Variants in FGGY observed in about 807,000 individuals in gnomAD.
FGGY encodes FGGY carbohydrate kinase domain-containing protein.
Under a neutral mutation model 71.3 loss-of-function variants are expected in FGGY, and 72 were observed. That is an observed-to-expected ratio of 1.01 (90% confidence interval 0.84 to 1.23). The LOEUF is 1.23. FGGY is among the 50% of genes most tolerant of loss of function. The pLI is 0.00. For synonymous variants in FGGY, 251 were observed against 250.3 expected (o/e 1.00, Z -0.02); for missense variants, 668 against 682.3 (o/e 0.98, Z 0.23).
intron 4 of FGGY, among the ~76,000 whole-genome samples, chr1:59,375,055 T>G (rs1173067965): frequency 1.4e-5 from 2 of 146,366 alleles, no homozygotes; most frequent in African/African-American, 2.6e-5. Context: ...CCCTAAAACT[T>G]AAAGTATAAT....
intron 3 of FGGY, among the ~76,000 whole-genome samples, chr1:59,341,438 C>T (rs1450058825): frequency 3.9e-5 from 6 of 152,154 alleles, no homozygotes; most frequent in African/African-American, 1.4e-4. Context: ...ATCATAATCA[C>T]TATGTGCTGA....
intron 5 of FGGY, among the ~76,000 whole-genome samples, chr1:59,446,301 G>A (rs2071227254): frequency 6.6e-6 from 1 of 152,014 alleles, no homozygotes; most frequent in Non-Finnish European, 1.5e-5. Flanking sequence ...CCCTCAACTC[G>A]ATTATTTATT....
chr1:59,372,738 T>A (rs1026921016), intron 4 of FGGY, among the ~76,000 whole-genome samples: 3 of 152,196 alleles, frequency 2.0e-5, no homozygotes, highest in Non-Finnish European at 4.4e-5. Context: ...ATCCCTGGGA[T>A]GTAAGGCTGG....
chr1:59,514,196 A>G (rs527492452), intron 7 of FGGY, among the ~76,000 whole-genome samples: 2 of 152,306 alleles, frequency 1.3e-5, no homozygotes, highest in South Asian at 4.1e-4. Flanking sequence ...TGAGGCCACA[A>G]AAGCTTTCTC....
chr1:59,365,012 G>A (rs766959595), intron 4 of FGGY, among the ~76,000 whole-genome samples: 9 of 152,218 alleles, frequency 5.9e-5, no homozygotes, highest in Non-Finnish European at 1.0e-4. Context: ...TGGAAATCAA[G>A]GAGGAGGAAC....
intron 7 of FGGY, among the ~76,000 whole-genome samples, chr1:59,530,189 A>C (rs1229602454): frequency 1.3e-5 from 2 of 152,206 alleles, no homozygotes; most frequent in Non-Finnish European, 2.9e-5. Flanking sequence ...GGCCTCCCAA[A>C]GCTGAGAAAA....
At chr1:59,737,772 A>C (rs1052749828) in intron 14 of FGGY, among the ~76,000 whole-genome samples, 1 of 152,208 alleles carries the variant, frequency 6.6e-6, no homozygotes, top group African/African-American at 2.4e-5. Flanking sequence ...GTTAATGCCA[A>C]AACGAGTTAA....
At chr1:59,721,151 C>A (rs894145340) in intron 14 of FGGY, among the ~76,000 whole-genome samples, 1 of 152,054 alleles carries the variant, frequency 6.6e-6, no homozygotes, top group African/African-American at 2.4e-5. Context: ...GTCCCCCTTG[C>A]CCTACTTGAT....
In FGGY at chr1:59,554,142, T is replaced by G; in HGVS notation, c.818T>G (p.Val273Gly). ...AGGLGVIGADVRGHGLICEGQ... is the reference protein window; with the variant it reads ...AGGLGVIGADGRGHGLICEGQ... ...CTCACAGGAGTGATTGGGGCAGATG[T>G]GAGAGGGCACGGCCTCATCTGTGAG... Residue 273 changes from valine (V) to glycine (G), a missense_variant, in exon 8 of 16, where the codon GTG (valine) becomes GGG (glycine). Val to Gly is a moderately radical substitution (Grantham distance 109, BLOSUM62 -3). Coordinates refer to ENST00000303721, the MANE Select transcript of FGGY (RefSeq NM_018291.5). The G allele has an allele frequency of 6.2e-7, 1 of 1,611,720 alleles. No individual in the cohort carries two copies. The highest frequency in any genetic ancestry group is 1.3e-5 in the African/African-American group (1 of 75,020).
chr1:59,473,534 A>G (rs1370616121), intron 6 of FGGY, among the ~76,000 whole-genome samples: 3 of 152,218 alleles, frequency 2.0e-5, no homozygotes, highest in African/African-American at 7.2e-5. Context: ...CCAAGGCAGA[A>G]GAAACAGTGC....
At chr1:59,440,550 T>C (rs1408822690) in intron 5 of FGGY, among the ~76,000 whole-genome samples, 1 of 151,472 alleles carries the variant, frequency 6.6e-6, no homozygotes, top group African/African-American at 2.4e-5. Context: ...TATGTGGTAG[T>C]AGGTCAAAGA....
At chr1:59,755,662 G>A (rs1245133426) in intron 14 of FGGY, 1 of 152,218 alleles carries the variant, frequency 6.6e-6, no homozygotes, top group Non-Finnish European at 1.5e-5. Context: ...TTTAAAACAA[G>A]CAAAGGTAAT....
chr1:59,384,545 T>A (rs1435495271), intron 5 of FGGY, among the ~76,000 whole-genome samples: 1 of 152,182 alleles, frequency 6.6e-6, no homozygotes. Flanking sequence ...TGAGAAAGCT[T>A]TTTAAAGGTA....
At chr1:59,660,378 C>G in intron 12 of FGGY, 85 bp downstream of exon 12, 2 of 922,420 alleles carry the variant, frequency 2.2e-6, no homozygotes, top group Non-Finnish European at 3.3e-6. Flanking sequence ...ACAGCACATG[C>G]TTTTGTGACA....
chr1:59,741,360 G>A (rs940604545), intron 14 of FGGY, among the ~76,000 whole-genome samples: 2 of 152,132 alleles, frequency 1.3e-5, no homozygotes, highest in Non-Finnish European at 2.9e-5. Context: ...GTTGTTTAAA[G>A]GTGTGTAGTA....
At chr1:59,588,003 A>G (rs1468608882) in intron 8 of FGGY, among the ~76,000 whole-genome samples, 3 of 152,220 alleles carry the variant, frequency 2.0e-5, no homozygotes, top group Admixed American at 2.0e-4. Flanking sequence ...TCCAAGCTAC[A>G]GAAGGAAATT....
intron 8 of FGGY, among the ~76,000 whole-genome samples, chr1:59,569,688 G>C (rs574850601): frequency 6.6e-6 from 1 of 152,326 alleles, no homozygotes; most frequent in East Asian, 1.9e-4. Flanking sequence ...GTTTATGGAA[G>C]TTTTTGTGAC....
intron 14 of FGGY, chr1:59,755,410 G>C (rs1300433327): frequency 6.6e-6 from 1 of 152,126 alleles, no homozygotes; most frequent in Non-Finnish European, 1.5e-5. Flanking sequence ...AGGCTGATCT[G>C]TTAACAAAAA....
At chr1:59,497,536 C>A (rs186577984) in intron 6 of FGGY, among the ~76,000 whole-genome samples, 7 of 152,144 alleles carry the variant, frequency 4.6e-5, no homozygotes, top group African/African-American at 1.7e-4. Flanking sequence ...TGCAGTAAGC[C>A]GAGATCATGC....
Sources: gnomAD v4.1 joint callset for allele counts (sites outside exome capture counted in the v4.1 genomes callset) on GRCh38, gnomAD v4.1.1 for gene constraint, MANE v1.5 for transcripts, NCBI Gene and HGNC (gene_info 2026-07-23, HGNC 2026-07-21) for gene names.